The following HMGA2 variants were observed in gnomAD, a reference collection of about 807,000 sequenced individuals.
HMGA2 encodes high mobility group AT-hook 2.
In HMGA2, 8 loss-of-function variants were observed where a neutral mutation model predicts 19.1. That is an observed-to-expected ratio of 0.42 (90% confidence interval 0.25 to 0.76). The LOEUF is 0.76. Among genes scored for constraint, HMGA2 ranks in the 30% least tolerant of loss-of-function variants. The pLI, the probability that HMGA2 is intolerant of heterozygous loss-of-function variation, is 0.28. For missense variants in HMGA2, 109 were observed against 136.3 expected (o/e 0.80, Z 1.00); for synonymous variants, 60 against 48.8 (o/e 1.23, Z -0.96).
chr12:65,843,176 G>C (rs1054543952), intron 3 of HMGA2: 5 of 226,054 alleles, frequency 2.2e-5, no homozygotes, highest in Non-Finnish European at 3.5e-5. Flanking sequence ...CCAAGGACCA[G>C]ATGCTTAAAG....
intron 3 of HMGA2, among the ~76,000 whole-genome samples, chr12:65,876,074 T>C (rs1420437625): frequency 6.6e-6 from 1 of 152,174 alleles, no homozygotes; most frequent in African/African-American, 2.4e-5. Flanking sequence ...TCAACAAAAT[T>C]GCTTCTTTGG....
chr12:65,924,173 C>G (rs1038233111), intron 3 of HMGA2, among the ~76,000 whole-genome samples: 1 of 152,106 alleles, frequency 6.6e-6, no homozygotes, highest in Non-Finnish European at 1.5e-5. Context: ...GCAGTGGAAG[C>G]TTTACCCACT....
chr12:65,861,855 T>C lies in HMGA2; in HGVS notation c.249+23286T>C, dbSNP rs192268847. Reference sequence around the variant, plus strand: ...TTTGTGCAACATGTTTCTTTTTTTTTTTTTTTGGAATGAAGTTTCGCTCTT... The same window carrying C: ...TTTGTGCAACATGTTTCTTTTTTTTCTTTTTTGGAATGAAGTTTCGCTCTT... On this transcript the variant is annotated intron_variant, in intron 3 of 4. Coordinates refer to ENST00000403681, the MANE Select transcript of HMGA2 (RefSeq NM_003483.6). Among the ~76,000 whole-genome samples, 30 of 151,798 alleles carry C rather than the reference T, an allele frequency of 2.0e-4. No individual in the cohort carries two copies. In the East Asian group the frequency reaches 4.2e-3, roughly 21 times the overall value.
chr12:65,850,315 T>C (rs1329155006), intron 3 of HMGA2, among the ~76,000 whole-genome samples: 1 of 152,210 alleles, frequency 6.6e-6, no homozygotes, highest in African/African-American at 2.4e-5. Context: ...TGACCCTATT[T>C]GCACTGTTGG....
intron 3 of HMGA2, among the ~76,000 whole-genome samples, chr12:65,861,790 C>T (rs12301684): frequency 0.034 from 5,154 of 149,854 alleles, 254 homozygotes; most frequent in African/African-American, 0.12. Flanking sequence ...TATGCTTTAA[C>T]ATTTAATATA....
chr12:65,834,384 A>C (rs1283402008), intron 2 of HMGA2, among the ~76,000 whole-genome samples: 1 of 152,186 alleles, frequency 6.6e-6, no homozygotes, highest in Non-Finnish European at 1.5e-5. Context: ...ACACATCCAG[A>C]AGTTTTCTTC....
At chr12:65,843,768 G>T (rs1251522413) in intron 3 of HMGA2, among the ~76,000 whole-genome samples, 1 of 151,922 alleles carries the variant, frequency 6.6e-6, no homozygotes, top group African/African-American at 2.4e-5. Context: ...GTTGAAAGTG[G>T]CTGGGCATGG....
chr12:65,838,134 T>A (rs1324709726), intron 2 of HMGA2, among the ~76,000 whole-genome samples: 1 of 152,196 alleles, frequency 6.6e-6, no homozygotes, highest in Non-Finnish European at 1.5e-5. Context: ...CTTGATCATC[T>A]TAAGAAATAT....
At chr12:65,944,143 T>C (rs1876181578) in intron 3 of HMGA2, among the ~76,000 whole-genome samples, 5 of 152,190 alleles carry the variant, frequency 3.3e-5, no homozygotes, top group Admixed American at 2.6e-4. Flanking sequence ...TCAAAATACA[T>C]TCCTTAGGTA....
chr12:65,841,998 T>C, intron 3 of HMGA2: 1 of 1,044,690 alleles, frequency 9.6e-7, no homozygotes. Context: ...CATCTTTTTT[T>C]TTTTTTATCC....
chr12:65,874,969 C>T (rs1325934976), intron 3 of HMGA2, among the ~76,000 whole-genome samples: 2 of 152,154 alleles, frequency 1.3e-5, no homozygotes, highest in Admixed American at 6.5e-5. Context: ...TTCTCATCTC[C>T]CTTTATTCAA....
chr12:65,898,657 A>G (rs185379575), intron 3 of HMGA2, among the ~76,000 whole-genome samples: 37 of 152,310 alleles, frequency 2.4e-4, no homozygotes, highest in African/African-American at 8.2e-4. Context: ...GGTAGCCACT[A>G]TACAATGAGC....
chr12:65,906,842 A>G (rs889323534), intron 3 of HMGA2, among the ~76,000 whole-genome samples: 10 of 152,196 alleles, frequency 6.6e-5, no homozygotes, highest in African/African-American at 2.2e-4. Context: ...GAGGGCAGAA[A>G]CCATGCTTAT....
chr12:65,861,449 C>T (rs79032440), intron 3 of HMGA2, among the ~76,000 whole-genome samples: 2,874 of 152,198 alleles, frequency 0.019, 39 homozygotes, highest in Non-Finnish European at 0.026. Flanking sequence ...TAAAACAGAG[C>T]GTTCCATGTG....
At chr12:65,921,480 C>G (rs1324544121) in intron 3 of HMGA2, among the ~76,000 whole-genome samples, 1 of 152,166 alleles carries the variant, frequency 6.6e-6, no homozygotes, top group Non-Finnish European at 1.5e-5. Context: ...ATCTCCTGAC[C>G]TCATGACCCG....
At chr12:65,952,127 T>C (rs1876478929) in intron 4 of HMGA2, 1 of 454,668 alleles carries the variant, frequency 2.2e-6, no homozygotes, top group East Asian at 3.4e-5. Flanking sequence ...GGATTGCTAA[T>C]AATGTGAGCC....
chr12:65,951,690 A>G, intron 4 of HMGA2: 1 of 313,962 alleles, frequency 3.2e-6, no homozygotes, highest in Non-Finnish European at 5.8e-6. Flanking sequence ...TCATATGTAA[A>G]ACAAATATTT....
chr12:65,855,699 A>ATGAT (rs5798794), intron 3 of HMGA2, among the ~76,000 whole-genome samples: 1 of 148,550 alleles, frequency 6.7e-6, no homozygotes, highest in Non-Finnish European at 1.5e-5. Flanking sequence ...ACCAGAACAC[A>ATGAT]GATGATGATG....
At chr12:65,957,777 A>C (rs1288669841) in intron 4 of HMGA2, 2 of 152,242 alleles carry the variant, frequency 1.3e-5, no homozygotes, top group African/African-American at 2.4e-5. Flanking sequence ...CTTCTGTTGC[A>C]GTATTTTCAG....
Sources: allele counts gnomAD v4.1 joint callset (sites outside exome capture counted in the v4.1 genomes callset), GRCh38; gene constraint gnomAD v4.1.1; transcripts MANE v1.5; gene names NCBI Gene and HGNC (gene_info 2026-07-23, HGNC 2026-07-21).